PDILT: variants seen among roughly 807,000 people sequenced by gnomAD.
The protein encoded by PDILT is protein disulfide-isomerase-like protein of the testis.
A neutral mutation model predicts 53.7 loss-of-function variants in PDILT; 43 were observed. The observed-to-expected ratio is 0.80, with a 90% CI of 0.63 to 1.03. The LOEUF is 1.03. Among genes scored for constraint, PDILT ranks in the 50% least tolerant of loss-of-function variants. The pLI is 0.00. For synonymous variants in PDILT, 282 were observed against 274.2 expected (o/e 1.03, Z -0.28); for missense variants, 727 against 712.3 (o/e 1.02, Z -0.24).
intron 2 of PDILT, among the ~76,000 whole-genome samples, chr16:20,386,339 G>A (rs752895341): frequency 6.6e-6 from 1 of 152,156 alleles, no homozygotes; most frequent in Non-Finnish European, 1.5e-5. Flanking sequence ...ACTGAGGAAG[G>A]GGGGCTGAGC....
Position 20,376,099 on chromosome 16 carries a change from G to A in PDILT, c.512C>T (p.Ser171Phe), listed in dbSNP as rs774501771. 8.1e-6 allele frequency: 13 copies of A among 1,613,992 alleles called. No individual in the cohort carries two copies. The East Asian group carries it at 2.9e-4, about 36-fold the overall frequency. ...GAAGCCAACGATGACCAAGGGCCTG[G>A]ATATCACAAACTCTGCCACCTGCTC... Reference protein sequence around the residue: ...SSEQVAEFVISRPLVIVGFFQ... With the variant: ...SSEQVAEFVIFRPLVIVGFFQ... Residue 171 changes from serine to phenylalanine, a missense_variant, in exon 4 of 12, where the codon TCC (serine) becomes TTC (phenylalanine). Physicochemically the swap from Ser to Phe is radical, Grantham distance 155. Coordinates refer to ENST00000302451, the MANE Select transcript of PDILT (RefSeq NM_174924.2).
chr16:20,381,364 C>T lies in PDILT; in HGVS notation c.409+3281G>A, dbSNP rs1038402576. Among the ~76,000 whole-genome samples, 4 of 152,064 alleles carry T rather than the reference C, an allele frequency of 2.6e-5. No individual in the cohort carries two copies. The East Asian group carries it at 5.8e-4, about 22-fold the overall frequency. On this transcript the variant is annotated intron_variant, in intron 3 of 11. Coordinates refer to ENST00000302451, the MANE Select transcript of PDILT (RefSeq NM_174924.2). ...AGAAAATGAGAAATTGGGCCGGGTG[C>T]GGTGGCTCACACCTGTAATCCCAGC...
chr16:20,368,262 C>T (rs1966244885), intron 8 of PDILT, among the ~76,000 whole-genome samples: 1 of 152,072 alleles, frequency 6.6e-6, no homozygotes, highest in African/African-American at 2.4e-5. Flanking sequence ...TAGGGAAAGG[C>T]TGCCATCAGG....
At chr16:20,367,261 C>A (rs989705525) in intron 8 of PDILT, among the ~76,000 whole-genome samples, 6 of 151,942 alleles carry the variant, frequency 3.9e-5, no homozygotes, top group African/African-American at 1.5e-4. Flanking sequence ...TGCCACCACA[C>A]CCGGCTAATG....
intron 2 of PDILT, among the ~76,000 whole-genome samples, chr16:20,394,288 T>C (rs1966637552): frequency 6.6e-6 from 1 of 152,226 alleles, no homozygotes. Context: ...GGTGGTTCAC[T>C]GTCTGAAAGA....
intron 5 of PDILT, among the ~76,000 whole-genome samples, chr16:20,373,600 A>G (rs768759843): frequency 4.6e-5 from 7 of 152,236 alleles, no homozygotes; most frequent in Non-Finnish European, 8.8e-5. Context: ...TTCACTATAC[A>G]TAGTGAACTA....
chr16:20,367,805 A>G (rs989975132), intron 8 of PDILT, among the ~76,000 whole-genome samples: 1 of 152,136 alleles, frequency 6.6e-6, no homozygotes, highest in African/African-American at 2.4e-5. Flanking sequence ...ATGCCAGGAC[A>G]CTTTTCAGAG....
In PDILT at chr16:20,379,458, G is replaced by A. The variant is rs144104775; in HGVS notation, c.410-3257C>T. Among the ~76,000 whole-genome samples the A allele has an allele frequency of 1.6e-3, 241 of 152,036 alleles. 3 individuals are homozygous for A. Among genetic ancestry groups the A allele is most frequent in the Non-Finnish European group, 1.7e-3 (117 of 67,952 alleles). On this transcript the variant is annotated intron_variant, in intron 3 of 11. Coordinates refer to ENST00000302451, the MANE Select transcript of PDILT (RefSeq NM_174924.2). ...TGGGATTACAGGCATGAGCCACCACGCCCAGCCCACACCTGGCTAATTTTT... is the reference window on the plus strand; with the variant it reads ...TGGGATTACAGGCATGAGCCACCACACCCAGCCCACACCTGGCTAATTTTT...
intron 3 of PDILT, among the ~76,000 whole-genome samples, chr16:20,376,967 T>C (rs1790212530): frequency 6.6e-6 from 1 of 152,252 alleles, no homozygotes; most frequent in African/African-American, 2.4e-5. Context: ...GTATCTGCTA[T>C]AGAACATTAA....
intron 2 of PDILT, among the ~76,000 whole-genome samples, chr16:20,386,245 A>G (rs1966535865): frequency 6.6e-6 from 1 of 152,118 alleles, no homozygotes; most frequent in African/African-American, 2.4e-5. Flanking sequence ...TTTCTGGCTA[A>G]ACGGAGGGGA....
At chr16:20,399,371 C>T (rs1218775128) in intron 1 of PDILT, 64 bp from the exon 2 acceptor site, 5 of 1,533,818 alleles carry the variant, frequency 3.3e-6, no homozygotes, top group Non-Finnish European at 2.7e-6. Flanking sequence ...CACGTCATCA[C>T]CCCCACTTCC....
rs1289191899 is a variant in PDILT, at chr16:20,362,503, T to C, written c.1317A>G (p.Thr439=). The change falls in exon 10 of 12, where the codon ACA becomes ACG. Residue 439 remains threonine (T), a synonymous_variant. Transcript: ENST00000302451. ...TGACATCGATCTTGGCAATGATAAT[T>C]GTGGAGTGGTTTTGATATTTTCTGC... is the stretch of plus-strand genomic sequence containing the variant. ...ELGRKYQNHS[T]IIIAKIDVTA... 6.2e-7 allele frequency: 1 copy of C among 1,614,002 alleles called. No homozygotes were observed. Among genetic ancestry groups the C allele is most frequent in the African/African-American group, 1.3e-5 (1 of 74,908 alleles).
chr16:20,404,365 T>G (rs1217288656), intron 1 of PDILT, 131 bp downstream of exon 1: 1 of 152,218 alleles, frequency 6.6e-6, no homozygotes, highest in Non-Finnish European at 1.5e-5. Context: ...AATCCTCAAG[T>G]TGATCCTAAT....
At chr16:20,390,206 T>C (rs1194058283) in intron 2 of PDILT, among the ~76,000 whole-genome samples, 1 of 152,190 alleles carries the variant, frequency 6.6e-6, no homozygotes, top group Non-Finnish European at 1.5e-5. Flanking sequence ...TTCTTGTTTC[T>C]CAGGGGCCAG....
chr16:20,392,249 G>A (rs533723338), intron 2 of PDILT, among the ~76,000 whole-genome samples: 1 of 152,280 alleles, frequency 6.6e-6, no homozygotes, highest in South Asian at 2.1e-4. Flanking sequence ...AGTGGATGGT[G>A]GTACTTTCAG....
At chr16:20,377,114 C>A (rs1170601112) in intron 3 of PDILT, among the ~76,000 whole-genome samples, 1 of 152,002 alleles carries the variant, frequency 6.6e-6, no homozygotes, top group African/African-American at 2.4e-5. Flanking sequence ...GCGAGACACT[C>A]AGCTCTACAA....
intron 2 of PDILT, among the ~76,000 whole-genome samples, chr16:20,386,551 G>A (rs1055143732): frequency 6.6e-6 from 1 of 152,204 alleles, no homozygotes; most frequent in Non-Finnish European, 1.5e-5. Flanking sequence ...CGAGGGCCCC[G>A]TTGCTGGTCA....
At chr16:20,372,965 A>G (rs756180163) in intron 6 of PDILT, 38 bp from the exon 7 acceptor site, 4 of 1,613,610 alleles carry the variant, frequency 2.5e-6, no homozygotes, top group Non-Finnish European at 3.4e-6. Flanking sequence ...CCAAGCACAC[A>G]CAGTGGCCCC....
intron 1 of PDILT, among the ~76,000 whole-genome samples, chr16:20,399,744 T>G (rs1966706544): frequency 9.5e-6 from 1 of 105,658 alleles, no homozygotes; most frequent in African/African-American, 3.7e-5. Context: ...CTCCTCCAGC[T>G]CCTGCTTGAA....
Sources: allele counts gnomAD v4.1 joint callset (sites outside exome capture counted in the v4.1 genomes callset), GRCh38; gene constraint gnomAD v4.1.1; transcripts MANE v1.5; gene names NCBI Gene and HGNC (gene_info 2026-07-23, HGNC 2026-07-21).